Variants in ARHGAP8 observed in about 807,000 individuals in gnomAD.
ARHGAP8 encodes Rho GTPase activating protein 8.
ARHGAP8 carries 62 observed loss-of-function variants against 46.1 expected under a neutral mutation model. That is an observed-to-expected ratio of 1.34 (90% confidence interval 1.10 to 1.66). The LOEUF is 1.66. ARHGAP8 is among the 40% of genes most tolerant of loss of function. ARHGAP8 has a pLI of 0.00. For missense variants in ARHGAP8, 923 were observed against 568.4 expected, an observed-to-expected ratio of 1.62 and a Z score of -6.34; for synonymous variants, 375 against 243.1, an observed-to-expected ratio of 1.54 and a Z score of -5.05.
chr22:44,841,060 A>T (rs1373484059), intron 7 of ARHGAP8, among the ~76,000 whole-genome samples: 1 of 152,126 alleles, frequency 6.6e-6, no homozygotes, highest in Non-Finnish European at 1.5e-5. Flanking sequence ...AGTCCCGTTT[A>T]CATTTATTGG....
rs1220093421 is a variant in ARHGAP8, at chr22:44,822,361, GCTTT to G, written c.387-6_387-3del. On this transcript the variant is annotated splice_region_variant and splice_polypyrimidine_tract_variant and intron_variant, in intron 5 of 11. Coordinates refer to ENST00000356099, the MANE Select transcript of ARHGAP8 (RefSeq NM_181335.3). ...AATCGTTCTTTATTCTCTTGCTTCT[GCTTT>G]CTTAGTCACAAGTTTGGGAAGAAAG... 6.3e-7 allele frequency: 1 copy of G among 1,578,854 alleles called. No individual in the cohort carries two copies. The highest frequency in any genetic ancestry group is 1.2e-5 in the South Asian group (1 of 84,114).
At chr22:44,762,201 G>C (rs1925179519) in intron 1 of ARHGAP8, among the ~76,000 whole-genome samples, 1 of 152,214 alleles carries the variant, frequency 6.6e-6, no homozygotes, top group Non-Finnish European at 1.5e-5. Flanking sequence ...GAGCCGGAAG[G>C]CTGAGATGGG....
chr22:44,824,873 T>C (rs960299731), intron 6 of ARHGAP8, among the ~76,000 whole-genome samples: 5 of 151,958 alleles, frequency 3.3e-5, no homozygotes, highest in African/African-American at 9.7e-5. Flanking sequence ...CCTCAAGTGA[T>C]CCACCTGCCT....
chr22:44,770,085 A>G (rs1014575010), intron 1 of ARHGAP8, among the ~76,000 whole-genome samples: 2 of 152,032 alleles, frequency 1.3e-5, no homozygotes, highest in Non-Finnish European at 2.9e-5. Context: ...CTCTACTAAA[A>G]ACACAAAAAT....
chr22:44,825,636 C>G (rs1410293778), intron 7 of ARHGAP8, 43 bp downstream of exon 7: 1 of 1,577,532 alleles, frequency 6.3e-7, no homozygotes. Context: ...CCCTGGAGCC[C>G]TGGGAGCTGT....
chr22:44,802,047 A>C lies in ARHGAP8; in HGVS notation c.80-30A>C, dbSNP rs1046947150. The C allele has an allele frequency of 1.9e-6, 3 of 1,611,914 alleles. No homozygotes were observed. In the African/African-American group the frequency reaches 4.0e-5, roughly 22 times the overall value. Reference sequence around the variant, plus strand: ...TGAGGATTTTCTAGGAGAAGGTGGCACAGAGGCTCACCTGTGTCTGCTCCT... The same window carrying C: ...TGAGGATTTTCTAGGAGAAGGTGGCCCAGAGGCTCACCTGTGTCTGCTCCT... On this transcript the variant is annotated intron_variant, in intron 2 of 11. Transcript: ENST00000356099.
chr22:44,786,118 G>A (rs1927198694), intron 1 of ARHGAP8: 2 of 427,358 alleles, frequency 4.7e-6, no homozygotes, highest in East Asian at 4.8e-5. Flanking sequence ...TACACAGTGG[G>A]TGCATGGCTG....
chr22:44,774,796 A>T (rs1376303893), intron 1 of ARHGAP8, among the ~76,000 whole-genome samples: 2 of 151,502 alleles, frequency 1.3e-5, no homozygotes, highest in Non-Finnish European at 2.9e-5. Context: ...TGTTGGAATT[A>T]CAGGCGTGAG....
chr22:44,769,578 T>G (rs917542520), intron 1 of ARHGAP8, among the ~76,000 whole-genome samples: 1 of 152,224 alleles, frequency 6.6e-6, no homozygotes, highest in African/African-American at 2.4e-5. Flanking sequence ...TTGTGTCTTT[T>G]AATCCAGGAG....
At chr22:44,843,824 CAA>C (rs56308320) in intron 7 of ARHGAP8, among the ~76,000 whole-genome samples, 1,840 of 93,054 alleles carry the variant, frequency 0.02, 26 homozygotes, top group East Asian at 0.051. Context: ...GACCTTGTCT[CAA>C]AAAAAAAAAA....
chr22:44,857,548 C>G (rs577810429), intron 10 of ARHGAP8, among the ~76,000 whole-genome samples: 1 of 152,244 alleles, frequency 6.6e-6, no homozygotes, highest in East Asian at 1.9e-4. Context: ...GTGCTGATGC[C>G]AGGTTGGAAG....
Position 44,780,702 on chromosome 22 carries a change from C to T in ARHGAP8, c.-71-5755C>T, listed in dbSNP as rs1000650100. 1.2e-4 allele frequency among the ~76,000 whole-genome samples: 19 copies of T among 152,262 alleles called. 1 individual carries two copies. The highest frequency in any genetic ancestry group is 3.4e-3 in the Middle Eastern group (1 of 294). On this transcript the variant is annotated intron_variant, in intron 1 of 11. Transcript: ENST00000356099. Reference sequence around the variant, plus strand: ...AGGTATTCAGTGAAAAGTCTTTCTTCCACCCCATCCTCAGGCCCTGCCCTC... The same window carrying T: ...AGGTATTCAGTGAAAAGTCTTTCTTTCACCCCATCCTCAGGCCCTGCCCTC...
At chr22:44,814,552 T>C (rs1569158832) in intron 4 of ARHGAP8, 120 bp from the exon 5 acceptor site, 5 of 806,982 alleles carry the variant, frequency 6.2e-6, no homozygotes, top group Non-Finnish European at 9.8e-6. Context: ...CTTAAATTGA[T>C]CCTGTTGAGA....
At chr22:44,804,558 G>A (rs1348114721) in intron 3 of ARHGAP8, among the ~76,000 whole-genome samples, 2 of 152,198 alleles carry the variant, frequency 1.3e-5, no homozygotes, top group African/African-American at 4.8e-5. Context: ...GTGAGGACAG[G>A]GAGCACGGCA....
At chr22:44,838,285 G>A (rs750563529) in intron 7 of ARHGAP8, among the ~76,000 whole-genome samples, 5 of 152,010 alleles carry the variant, frequency 3.3e-5, no homozygotes, top group Non-Finnish European at 7.4e-5. Context: ...TTACAGGCAC[G>A]TGCCACCACA....
At chr22:44,860,773 C>T (rs1229583802) in intron 11 of ARHGAP8, among the ~76,000 whole-genome samples, 3 of 152,154 alleles carry the variant, frequency 2.0e-5, no homozygotes, top group Non-Finnish European at 4.4e-5. Flanking sequence ...GAAGGTTCAA[C>T]ACATCCACGT....
At chr22:44,840,978 A>G (rs1440860839) in intron 7 of ARHGAP8, among the ~76,000 whole-genome samples, 5 of 152,196 alleles carry the variant, frequency 3.3e-5, no homozygotes, top group Admixed American at 3.3e-4. Flanking sequence ...CTGCCGTGCC[A>G]GGCACTGCCA....
At chr22:44,776,955 C>T (rs1367214996) in intron 1 of ARHGAP8, among the ~76,000 whole-genome samples, 5 of 151,984 alleles carry the variant, frequency 3.3e-5, no homozygotes, top group Admixed American at 2.6e-4. Context: ...GGGACATGTC[C>T]CAAGCACCTG....
intron 8 of ARHGAP8, among the ~76,000 whole-genome samples, chr22:44,847,368 G>T (rs2069983490): frequency 6.6e-6 from 1 of 152,200 alleles, no homozygotes; most frequent in African/African-American, 2.4e-5. Context: ...ACTGAACTTG[G>T]ACATCATCTA....
Sources: gnomAD v4.1 joint callset for allele counts (sites outside exome capture counted in the v4.1 genomes callset) on GRCh38, gnomAD v4.1.1 for gene constraint, MANE v1.5 for transcripts, NCBI Gene and HGNC (gene_info 2026-07-23, HGNC 2026-07-21) for gene names.